Variants in KLHDC1 observed in about 807,000 individuals in gnomAD.
KLHDC1 encodes kelch domain containing 1, also known as kelch domain-containing protein 1.
KLHDC1 carries 53 observed loss-of-function variants against 68.3 expected under a neutral mutation model. That is an observed-to-expected ratio of 0.78 (90% CI 0.62 to 0.98). KLHDC1 has a LOEUF of 0.98. KLHDC1 is among the 50% of genes least tolerant of loss of function. The pLI is 0.00. For synonymous variants in KLHDC1, 148 were observed against 159.0 expected, an observed-to-expected ratio of 0.93 and a Z score of 0.52; for missense variants, 470 against 492.3, an observed-to-expected ratio of 0.95 and a Z score of 0.43.
intron 4 of KLHDC1, among the ~76,000 whole-genome samples, chr14:49,715,895 TTAAATACTGATGTCATTAAATATTTTC>T (rs1888365499): frequency 6.6e-6 from 1 of 151,904 alleles, no homozygotes; most frequent in Non-Finnish European, 1.5e-5. Flanking sequence ...GTTTTCTCAT[TTAAATACTGATGTCATTAAATATTTTC>T]TAATATGATA....
chr14:49,705,365 C>CTTTTTTTGTTTTTTTTTTTTT (rs755036304), intron 1 of KLHDC1, among the ~76,000 whole-genome samples: 1 of 71,664 alleles, frequency 1.4e-5, no homozygotes, highest in Admixed American at 2.6e-4. Context: ...TTCTTTCTTT[C>CTTTTTTTGTTTTTTTTTTTTT]TTTTTTTTTT....
intron 12 of KLHDC1, among the ~76,000 whole-genome samples, chr14:49,745,873 T>C (rs559670054): frequency 3.9e-5 from 6 of 152,298 alleles, no homozygotes; most frequent in East Asian, 1.9e-4. Context: ...TCAAGAGCCA[T>C]TGAAAAATTT....
chr14:49,734,467 A>G (rs894968985), intron 9 of KLHDC1, 122 bp from the exon 10 acceptor site: 2 of 489,010 alleles, frequency 4.1e-6, no homozygotes, highest in Non-Finnish European at 7.3e-6. Context: ...GAAAATTTGT[A>G]TGATAAAATA....
In KLHDC1 at chr14:49,723,946, A is replaced by T; in HGVS notation, c.477A>T (p.Ala159=). ...ELQDCFDVHD[A]SWEEQIFWGW... is the part of the protein sequence containing the mutation. ...AAGACTGTTTTGATGTTCATGATGC[A>T]TCTTGGGTAAGATAGTAATCACTGT... Residue 159 remains alanine, a synonymous_variant, in exon 5 of 13, where the codon GCA becomes GCT. Coordinates refer to ENST00000359332, the MANE Select transcript of KLHDC1 (RefSeq NM_172193.3). 6.3e-7 allele frequency: 1 copy of T among 1,587,932 alleles called. No homozygotes were observed.
At chr14:49,725,486 A>G (rs1427827649) in intron 5 of KLHDC1, 200 bp from the exon 6 acceptor site, 1 of 434,702 alleles carries the variant, frequency 2.3e-6, no homozygotes, top group Non-Finnish European at 4.1e-6. Flanking sequence ...TGAGAAGAAA[A>G]GTTGCCAGGT....
chr14:49,713,850 ATTTT>A (rs869250721), intron 4 of KLHDC1, among the ~76,000 whole-genome samples: 2 of 50,230 alleles, frequency 4.0e-5, no homozygotes, highest in African/African-American at 1.7e-4. Context: ...ATATATATAT[ATTTT>A]TTTTTTTTTT....
intron 1 of KLHDC1, among the ~76,000 whole-genome samples, chr14:49,702,032 G>C (rs912894223): frequency 1.3e-5 from 2 of 152,042 alleles, no homozygotes; most frequent in Non-Finnish European, 2.9e-5. Context: ...ACTGGGCATG[G>C]TGGCACATGC....
intron 11 of KLHDC1, 27 bp from the exon 12 acceptor site, chr14:49,743,722 AACTT>A (rs747543635): frequency 2.2e-6 from 3 of 1,393,918 alleles, no homozygotes; most frequent in Non-Finnish European, 3.0e-6. Context: ...TTTTATCAAA[AACTT>A]AATAATGCCT....
intron 4 of KLHDC1, among the ~76,000 whole-genome samples, chr14:49,713,838 ATATATATATATATT>A (rs1173347525): frequency 3.2e-4 from 2 of 6,166 alleles, no homozygotes; most frequent in African/African-American, 8.2e-4. Flanking sequence ...ATATATATAT[ATATATATATATATT>A]TTTTTTTTTT....
chr14:49,741,893 T>C (rs1277694722), intron 11 of KLHDC1, among the ~76,000 whole-genome samples: 1 of 152,106 alleles, frequency 6.6e-6, no homozygotes, highest in African/African-American at 2.4e-5. Context: ...TGGGGTATGG[T>C]GAGCCAGAGC....
At chr14:49,721,076 C>G (rs1421714462) in intron 4 of KLHDC1, among the ~76,000 whole-genome samples, 1 of 152,084 alleles carries the variant, frequency 6.6e-6, no homozygotes, top group African/African-American at 2.4e-5. Context: ...TTTAAAGGCC[C>G]TGTCTGATAA....
rs751715637 is a variant in KLHDC1 at position 49,729,023 on chromosome 14, A to G, written c.651+14A>G. On this transcript the variant is annotated intron_variant, in intron 7 of 12. Transcript: ENST00000359332. Reference sequence around the variant, plus strand: ...GGACGTGTTCTGGTTAGTGTTTTTAATGGAAATGGTATTTTTATGTGCAAT... The same window carrying G: ...GGACGTGTTCTGGTTAGTGTTTTTAGTGGAAATGGTATTTTTATGTGCAAT... 8 of 1,569,160 alleles carry G rather than the reference A, an allele frequency of 5.1e-6. No individual in the cohort carries two copies. In the South Asian group the frequency reaches 7.8e-5, roughly 15 times the overall value.
Position 49,693,149 on chromosome 14 carries a change from G to C in KLHDC1, c.-46G>C. 6.6e-7 allele frequency: 1 copy of C among 1,516,922 alleles called. No homozygotes were observed. The highest frequency in any genetic ancestry group is 8.9e-7 in the Non-Finnish European group (1 of 1,120,260). 94.0% of individuals were successfully genotyped at this position (1,516,922 alleles called of 1,614,324 possible). A position where few individuals can be genotyped will look rare whatever the true frequency, so the allele number is the denominator to read the frequency against. ...GGGGCTGGAGGCGAGGCCGCCGGGC[G>C]GGCAGGGGTTGTGGCGCGGCAAGCG... On this transcript the variant is annotated 5_prime_UTR_variant, in exon 1 of 13. Coordinates refer to ENST00000359332, the MANE Select transcript of KLHDC1 (RefSeq NM_172193.3).
Position 49,743,811 on chromosome 14 carries a change from C to A in KLHDC1, c.1034+6C>A. ...CAGCCTTATTCACTACTCAGGTAAG[C>A]AAATTTAATATTTTCTATATATTTG... On this transcript the variant is annotated splice_donor_region_variant and intron_variant, in intron 12 of 12. Coordinates refer to ENST00000359332, the MANE Select transcript of KLHDC1 (RefSeq NM_172193.3). 1 of 1,481,234 alleles carries A rather than the reference C, an allele frequency of 6.8e-7. No individual in the cohort carries two copies. The highest frequency in any genetic ancestry group is 9.4e-7 in the Non-Finnish European group (1 of 1,067,240). 91.8% of individuals were successfully genotyped at this position (1,481,234 alleles called of 1,614,324 possible). A position where few individuals can be genotyped will look rare whatever the true frequency, so the allele number is the denominator to read the frequency against.
chr14:49,720,018 G>A (rs1454222786), intron 4 of KLHDC1, among the ~76,000 whole-genome samples: 7 of 145,650 alleles, frequency 4.8e-5, no homozygotes, highest in Non-Finnish European at 9.0e-5. Context: ...ACAGTGTCTC[G>A]CTCTGTTGCC....
At position 49,743,813 on chromosome 14, in the gene KLHDC1, A is replaced by G. The variant is rs1786881503; in HGVS notation, c.1034+8A>G. ...GCCTTATTCACTACTCAGGTAAGCA[A>G]ATTTAATATTTTCTATATATTTGCT... On this transcript the variant is annotated splice_region_variant and intron_variant, in intron 12 of 12. Coordinates refer to ENST00000359332, the MANE Select transcript of KLHDC1 (RefSeq NM_172193.3). 1 of 1,471,982 alleles carries G rather than the reference A, an allele frequency of 6.8e-7. No individual in the cohort carries two copies. Among genetic ancestry groups the G allele is most frequent in the Middle Eastern group, 1.7e-4 (1 of 5,752 alleles). 91.2% of individuals were successfully genotyped at this position (1,471,982 alleles called of 1,614,324 possible). A position where few individuals can be genotyped will look rare whatever the true frequency, so the allele number is the denominator to read the frequency against.
In KLHDC1 at chr14:49,752,459, G is replaced by T. The variant is rs927615785; in HGVS notation, c.*687G>T. ...AAGACCATGTTTTAAAGTACATAAA[G>T]TGGAGGTTTATTTATCATACAGGCT... On this transcript the variant is annotated 3_prime_UTR_variant, in exon 13 of 13. Transcript: ENST00000359332. The T allele has an allele frequency of 1.3e-5, 2 of 152,506 alleles. No individual in the cohort carries two copies. Among genetic ancestry groups the T allele is most frequent in the African/African-American group, 4.8e-5 (2 of 41,440 alleles). The allele number at this position is 152,506 out of a possible 1,614,324, so 9.4% of individuals were successfully genotyped here. A position where few individuals can be genotyped will look rare whatever the true frequency, so the allele number is the denominator to read the frequency against.
At position 49,693,742 on chromosome 14, in the gene KLHDC1, C is replaced by CTTTTTTTTTTTTTTTTTTTTTTTTTT. The variant is rs1566589138; in HGVS notation, c.96+457_96+458insTTTTTTTTTTTTTTTTTTTTTTTTTT. ...AGCATTTAAATATTTATTTTCTTTT[C>CTTTTTTTTTTTTTTTTTTTTTTTTTT]TTTTTCTTTTTTTTTTTTTTTTGAG... On this transcript the variant is annotated intron_variant, in intron 1 of 12. Coordinates refer to ENST00000359332, the MANE Select transcript of KLHDC1 (RefSeq NM_172193.3). 5.7e-4 allele frequency among the ~76,000 whole-genome samples: 35 copies of CTTTTTTTTTTTTTTTTTTTTTTTTTT among 60,956 alleles called. 2 individuals carry two copies. Among genetic ancestry groups the CTTTTTTTTTTTTTTTTTTTTTTTTTT allele is most frequent in the African/African-American group, 1.3e-3 (25 of 18,522 alleles). 40.0% of individuals were successfully genotyped at this position (60,956 alleles called of 152,430 possible). A position where few individuals can be genotyped will look rare whatever the true frequency, so the allele number is the denominator to read the frequency against.
chr14:49,694,278 A>G (rs570094645), intron 1 of KLHDC1, among the ~76,000 whole-genome samples: 2 of 152,228 alleles, frequency 1.3e-5, no homozygotes, highest in African/African-American at 4.8e-5. Context: ...CTATATGCCA[A>G]CCCTCTTAGT....
Sources: gnomAD v4.1 joint callset for allele counts (sites outside exome capture counted in the v4.1 genomes callset) on GRCh38, gnomAD v4.1.1 for gene constraint, MANE v1.5 for transcripts, NCBI Gene and HGNC (gene_info 2026-07-23, HGNC 2026-07-21) for gene names.